Variants in ABCA13 observed in about 807,000 individuals in gnomAD.
ABCA13 encodes the protein ATP-binding cassette sub-family A member 13.
Under a neutral mutation model 478.7 loss-of-function variants are expected in ABCA13, and 476 were observed. That is an observed-to-expected ratio of 0.99 (90% confidence interval 0.92 to 1.07). The LOEUF (loss-of-function observed/expected upper bound fraction) is 1.07. ABCA13 is among the 50% of genes least tolerant of loss of function. ABCA13 has a pLI of 0.00. For synonymous variants in ABCA13, 2,252 were observed against 2,158.9 expected (o/e 1.04, Z -1.20); for missense variants, 6,060 against 5,910.6 (o/e 1.03, Z -0.83).
chr7:48,346,370 A>G (rs1445481545), intron 29 of ABCA13, among the ~76,000 whole-genome samples: 2 of 152,136 alleles, frequency 1.3e-5, no homozygotes, highest in Non-Finnish European at 2.9e-5. Flanking sequence ...ATGCAGTTAA[A>G]TTGTTTAACC....
intron 56 of ABCA13, among the ~76,000 whole-genome samples, chr7:48,584,996 G>A (rs888390611): frequency 1.3e-5 from 2 of 151,970 alleles, no homozygotes; most frequent in African/African-American, 4.8e-5. Flanking sequence ...AAGCCTCCCT[G>A]GTTTCCTTCC....
intron 27 of ABCA13, among the ~76,000 whole-genome samples, chr7:48,325,302 TG>T (rs1804151465): frequency 6.6e-6 from 1 of 152,084 alleles, no homozygotes; most frequent in Admixed American, 6.5e-5. Flanking sequence ...AGGAACCTAT[TG>T]GTGGCTATGA....
At chr7:48,640,432 A>G (rs1795023558) in intron 59 of ABCA13, among the ~76,000 whole-genome samples, 3 of 152,200 alleles carry the variant, frequency 2.0e-5, no homozygotes, top group South Asian at 4.1e-4. Flanking sequence ...CTGTTTTAGC[A>G]TTAATTAATA....
At chr7:48,587,093 C>T in intron 56 of ABCA13, 61 bp from the exon 57 acceptor site, 1 of 1,601,990 alleles carries the variant, frequency 6.2e-7, no homozygotes, top group Non-Finnish European at 8.5e-7. Flanking sequence ...GGACTGAGAC[C>T]AGCTGTCTGG....
At chr7:48,443,050 A>C (rs1327123994) in intron 42 of ABCA13, among the ~76,000 whole-genome samples, 1 of 152,190 alleles carries the variant, frequency 6.6e-6, no homozygotes, top group East Asian at 1.9e-4. Flanking sequence ...TGTACGCATA[A>C]AAAGAGACAC....
intron 6 of ABCA13, among the ~76,000 whole-genome samples, chr7:48,227,900 G>A (rs748371812): frequency 6.6e-6 from 1 of 152,114 alleles, no homozygotes; most frequent in Non-Finnish European, 1.5e-5. Flanking sequence ...GAACTGATAA[G>A]CTCAGTTGCT....
chr7:48,506,202 T>C, intron 48 of ABCA13, 134 bp from the exon 49 acceptor site: 3 of 870,040 alleles, frequency 3.4e-6, no homozygotes, highest in Non-Finnish European at 5.3e-6. Flanking sequence ...TTTTTTCTGC[T>C]AATTGACCAG....
chr7:48,551,577 T>C (rs920337246), intron 55 of ABCA13, among the ~76,000 whole-genome samples: 1 of 151,142 alleles, frequency 6.6e-6, no homozygotes, highest in Non-Finnish European at 1.5e-5. Context: ...GTTATTACTT[T>C]ATTATTTTTT....
At chr7:48,337,728 G>A (rs1220386316) in intron 28 of ABCA13, among the ~76,000 whole-genome samples, 2 of 152,174 alleles carry the variant, frequency 1.3e-5, no homozygotes, top group African/African-American at 4.8e-5. Flanking sequence ...TAAGTGTCAG[G>A]CAGTGCAATG....
At chr7:48,322,569 T>C (rs1369411607) in intron 27 of ABCA13, among the ~76,000 whole-genome samples, 1 of 152,266 alleles carries the variant, frequency 6.6e-6, no homozygotes, top group East Asian at 1.9e-4. Context: ...GTCCTCTCAA[T>C]GCCCAGGGCA....
intron 40 of ABCA13, among the ~76,000 whole-genome samples, chr7:48,412,089 G>A (rs1819340557): frequency 2.6e-5 from 4 of 152,128 alleles, no homozygotes; most frequent in African/African-American, 4.8e-5. Context: ...GCTGGCCATG[G>A]CAGGCCCAGT....
At chr7:48,519,317 C>A (rs896269071) in intron 52 of ABCA13, among the ~76,000 whole-genome samples, 10 of 152,034 alleles carry the variant, frequency 6.6e-5, no homozygotes, top group African/African-American at 2.4e-4. Context: ...GGGTTTATAC[C>A]CAGTAATGAG....
chr7:48,273,663 T>C lies in ABCA13; in HGVS notation c.3997T>C (p.Phe1333Leu). Reference sequence around the variant, plus strand: ...CACTGAGCTAAGAGAAGCAATAGTATTTCTTAGAAATGTATCACATGATCG... The same window carrying C: ...CACTGAGCTAAGAGAAGCAATAGTACTTCTTAGAAATGTATCACATGATCG... ...IITELREAIV[F>L]LRNVSHDRDL... Residue 1333 changes from phenylalanine (F) to leucine (L), a missense_variant, in exon 17 of 62, where the codon TTT (phenylalanine) becomes CTT (leucine). Transcript: ENST00000435803. The C allele has an allele frequency of 1.2e-6, 2 of 1,607,742 alleles. No homozygotes were observed. The highest frequency in any genetic ancestry group is 1.7e-6 in the Non-Finnish European group (2 of 1,176,550).
chr7:48,355,505 T>C (rs931268294), intron 31 of ABCA13, among the ~76,000 whole-genome samples: 1 of 151,966 alleles, frequency 6.6e-6, no homozygotes, highest in Non-Finnish European at 1.5e-5. Flanking sequence ...GCAGGAGTGA[T>C]GTCATCATCT....
intron 52 of ABCA13, among the ~76,000 whole-genome samples, chr7:48,518,905 C>T (rs1277045240): frequency 6.6e-6 from 1 of 152,022 alleles, no homozygotes; most frequent in Non-Finnish European, 1.5e-5. Context: ...ACCTCTCAAC[C>T]CATCACCTAG....
chr7:48,509,283 A>G (rs147600308), intron 50 of ABCA13, among the ~76,000 whole-genome samples: 1 of 152,302 alleles, frequency 6.6e-6, no homozygotes, highest in African/African-American at 2.4e-5. Context: ...ATGGCTTCTC[A>G]GTGCCAGCCT....
At chr7:48,295,886 G>A (rs1206703163) in intron 21 of ABCA13, 23 bp downstream of exon 21, 1 of 1,578,838 alleles carries the variant, frequency 6.3e-7, no homozygotes, top group East Asian at 2.3e-5. Flanking sequence ...ATTCTTTCAT[G>A]CCCTCCCCAG....
chr7:48,388,795 A>G (rs1472238460), intron 36 of ABCA13, among the ~76,000 whole-genome samples: 2 of 151,740 alleles, frequency 1.3e-5, no homozygotes, highest in East Asian at 3.9e-4. Context: ...GTGTGTTTTT[A>G]TTTTTTTTAT....
At chr7:48,243,217 C>T (rs17132163) in intron 10 of ABCA13, 25,319 of 152,250 alleles carry the variant, frequency 0.17, 2,469 homozygotes, top group African/African-American at 0.28. Flanking sequence ...CATGTGGTAT[C>T]CTTGCTTGTC....
Sources: allele counts gnomAD v4.1 joint callset (sites outside exome capture counted in the v4.1 genomes callset), GRCh38; gene constraint gnomAD v4.1.1; transcripts MANE v1.5; gene names NCBI Gene and HGNC (gene_info 2026-07-23, HGNC 2026-07-21).